CMIP: variants seen among roughly 807,000 people sequenced by gnomAD.
CMIP encodes C-Maf-inducing protein.
CMIP carries 13 observed loss-of-function variants against 97.3 expected under a neutral mutation model. The observed-to-expected ratio is 0.13, with a 90% confidence interval of 0.09 to 0.21. The LOEUF is 0.21. Ranked by LOEUF, CMIP falls within the 10% of genes least tolerant of loss-of-function variation. The pLI, the probability that CMIP is intolerant of heterozygous loss-of-function variation, is 1.00. For synonymous variants in CMIP, 538 were observed against 436.3 expected, an observed-to-expected ratio of 1.23 and a Z score of -2.91; for missense variants, 847 against 1,024.9, an observed-to-expected ratio of 0.83 and a Z score of 2.37.
rs11288143 is a variant in CMIP, at chr16:81,449,669, T to TCC, written c.300+4138_300+4139dup. 2.3e-3 allele frequency among the ~76,000 whole-genome samples: 334 copies of TCC among 144,870 alleles called. 2 individuals are homozygous for TCC. The highest frequency in any genetic ancestry group is 6.5e-3 in the African/African-American group (252 of 38,480). On this transcript the variant is annotated intron_variant, in intron 1 of 20. Transcript: ENST00000537098. Reference sequence around the variant, plus strand: ...TTTTGTGGCAGTAAACACACAGATTTCCCCCCCCCCCTTTCCATGCCATTT... The same window carrying TCC: ...TTTTGTGGCAGTAAACACACAGATTTCCCCCCCCCCCCCTTTCCATGCCATTT...
At chr16:81,572,990 A>G (rs770384366) in intron 1 of CMIP, among the ~76,000 whole-genome samples, 12 of 152,208 alleles carry the variant, frequency 7.9e-5, no homozygotes, top group African/African-American at 2.2e-4. Context: ...TAGATAACCA[A>G]TAATAAAATG....
At chr16:81,587,883 G>C (rs1013023632) in intron 1 of CMIP, among the ~76,000 whole-genome samples, 1 of 152,234 alleles carries the variant, frequency 6.6e-6, no homozygotes, top group Admixed American at 6.5e-5. Context: ...TGGACAGCCA[G>C]TGTGCGGGTG....
chr16:81,509,683 C>G (rs945948484), intron 1 of CMIP, among the ~76,000 whole-genome samples: 3 of 152,276 alleles, frequency 2.0e-5, no homozygotes, highest in South Asian at 4.1e-4. Flanking sequence ...GGGCTCCAAC[C>G]CTGGTTTCAG....
chr16:81,455,184 C>T (rs1303250352), intron 1 of CMIP, among the ~76,000 whole-genome samples: 4 of 152,186 alleles, frequency 2.6e-5, no homozygotes, highest in African/African-American at 9.7e-5. Flanking sequence ...GATTGGAAGG[C>T]TTAGGAGTGC....
intron 1 of CMIP, among the ~76,000 whole-genome samples, chr16:81,580,590 C>A (rs2091280041): frequency 6.6e-6 from 1 of 151,922 alleles, no homozygotes; most frequent in South Asian, 2.1e-4. Flanking sequence ...TGCCTGCCAC[C>A]ACACCCAGCT....
At chr16:81,678,808 T>G (rs1182655331) in intron 10 of CMIP, among the ~76,000 whole-genome samples, 180 bp downstream of exon 10, 2 of 152,240 alleles carry the variant, frequency 1.3e-5, no homozygotes, top group Non-Finnish European at 2.9e-5. Context: ...AGTGTGGCTG[T>G]GAGTACAGGC....
At chr16:81,626,744 G>T (rs888999901) in intron 3 of CMIP, among the ~76,000 whole-genome samples, 7 of 138,210 alleles carry the variant, frequency 5.1e-5, no homozygotes, top group African/African-American at 1.9e-4. Context: ...TATGACAGTG[G>T]GTGTGGGTGT....
chr16:81,475,037 G>T (rs1387063421), intron 1 of CMIP, among the ~76,000 whole-genome samples: 1 of 152,206 alleles, frequency 6.6e-6, no homozygotes, highest in African/African-American at 2.4e-5. Flanking sequence ...CCGTGGCCTT[G>T]TGGCTTCATG....
chr16:81,510,101 G>T (rs1345419479), intron 1 of CMIP, among the ~76,000 whole-genome samples: 1 of 152,162 alleles, frequency 6.6e-6, no homozygotes, highest in East Asian at 1.9e-4. Context: ...GCTCACTTTG[G>T]CTGTGACTTT....
intron 3 of CMIP, among the ~76,000 whole-genome samples, chr16:81,623,818 C>G (rs1010663289): frequency 6.6e-6 from 1 of 152,130 alleles, no homozygotes. Context: ...TGTGAGATGC[C>G]AGGGCTGGCT....
At chr16:81,702,940 G>C (rs1907583554) in intron 17 of CMIP, among the ~76,000 whole-genome samples, 1 of 152,180 alleles carries the variant, frequency 6.6e-6, no homozygotes, top group Admixed American at 6.5e-5. Flanking sequence ...AATAATAGCA[G>C]ATATACCTTG....
At position 81,571,843 on chromosome 16, in the gene CMIP, A is replaced by G. The variant is rs1056723961; in HGVS notation, c.301-35724A>G. Among the ~76,000 whole-genome samples the G allele has an allele frequency of 6.6e-5, 10 of 152,224 alleles. No homozygotes were observed. In the South Asian group the frequency reaches 1.0e-3, roughly 16 times the overall value. On this transcript the variant is annotated intron_variant, in intron 1 of 20. Transcript: ENST00000537098. ...AAGCCTCTCCCTTGATGCCCAGGAG[A>G]AATAGCCTCTTGCACTAACAAGGGT... is the stretch of plus-strand genomic sequence containing the variant.
intron 1 of CMIP, among the ~76,000 whole-genome samples, chr16:81,492,664 C>T (rs1567542255): frequency 6.6e-6 from 1 of 151,768 alleles, no homozygotes; most frequent in Non-Finnish European, 1.5e-5. Context: ...GGAGGCAAAA[C>T]AGGGGAGGGA....
At chr16:81,545,441 C>G (rs920010585) in intron 1 of CMIP, among the ~76,000 whole-genome samples, 14 of 152,166 alleles carry the variant, frequency 9.2e-5, no homozygotes, top group Non-Finnish European at 8.8e-5. Flanking sequence ...GGACCGTGCA[C>G]ACAACAGTGA....
chr16:81,575,056 C>G (rs1276721919), intron 1 of CMIP, among the ~76,000 whole-genome samples: 1 of 152,226 alleles, frequency 6.6e-6, no homozygotes, highest in Non-Finnish European at 1.5e-5. Context: ...CTTCCTGAAC[C>G]TGCTCAAGGA....
chr16:81,525,386 G>C lies in CMIP; in HGVS notation c.300+79845G>C, dbSNP rs1016618277. Among the ~76,000 whole-genome samples, 6 of 152,082 alleles carry C rather than the reference G, an allele frequency of 3.9e-5. 2 individuals are homozygous for C. Among genetic ancestry groups the C allele is most frequent in the Admixed American group, 3.9e-4 (6 of 15,282 alleles). On this transcript the variant is annotated intron_variant, in intron 1 of 20. Coordinates refer to ENST00000537098, the MANE Select transcript of CMIP (RefSeq NM_198390.3). ...TTAAACTCCTGACCTCAGGTGATCC[G>C]TGCATCTCGGCCTCCCAAAGTGCTG...
At chr16:81,595,892 A>G (rs1484835347) in intron 1 of CMIP, among the ~76,000 whole-genome samples, 1 of 152,094 alleles carries the variant, frequency 6.6e-6, no homozygotes, top group South Asian at 2.1e-4. Flanking sequence ...CAACTCTTAG[A>G]TGTATATCTA....
chr16:81,547,959 C>T (rs2090580018), intron 1 of CMIP, among the ~76,000 whole-genome samples: 1 of 152,170 alleles, frequency 6.6e-6, no homozygotes, highest in South Asian at 2.1e-4. Context: ...CCTCTGATCC[C>T]AGCCTCCTCT....
intron 1 of CMIP, among the ~76,000 whole-genome samples, chr16:81,456,967 G>A (rs1014674985): frequency 6.6e-5 from 10 of 152,082 alleles, no homozygotes; most frequent in African/African-American, 2.2e-4. Context: ...GTTGAACCTG[G>A]GGTGGTCACC....
Sources: gnomAD v4.1 joint callset for allele counts (sites outside exome capture counted in the v4.1 genomes callset) on GRCh38, gnomAD v4.1.1 for gene constraint, MANE v1.5 for transcripts, NCBI Gene and HGNC (gene_info 2026-07-23, HGNC 2026-07-21) for gene names.